Variants in FAM20A observed in about 807,000 individuals in gnomAD.
FAM20A encodes the protein pseudokinase FAM20A.
In FAM20A, 42 loss-of-function variants were observed where a neutral mutation model predicts 52.0. The observed-to-expected ratio is 0.81, with a 90% CI of 0.63 to 1.04. The LOEUF is 1.04. Among genes scored for constraint, FAM20A ranks in the 50% least tolerant of loss-of-function variants. FAM20A has a pLI of 0.00. For missense variants in FAM20A, 742 were observed against 712.7 expected (o/e 1.04, Z -0.47); for synonymous variants, 304 against 298.9 (o/e 1.02, Z -0.18).
chr17:68,589,764 CAT>C (rs1312224275), intron 1 of FAM20A, among the ~76,000 whole-genome samples: 1 of 152,112 alleles, frequency 6.6e-6, no homozygotes, highest in East Asian at 1.9e-4. Context: ...ATAAATCTAA[CAT>C]ATGGTCAAAT....
intron 1 of FAM20A, among the ~76,000 whole-genome samples, chr17:68,585,006 G>A (rs961703610): frequency 6.6e-6 from 1 of 152,202 alleles, no homozygotes; most frequent in Non-Finnish European, 1.5e-5. Flanking sequence ...TAATACCTAA[G>A]GTAGGTGTTT....
chr17:68,585,493 T>G (rs2088141276), intron 1 of FAM20A, among the ~76,000 whole-genome samples: 1 of 152,084 alleles, frequency 6.6e-6, no homozygotes, highest in Admixed American at 6.6e-5. Flanking sequence ...TTTTTTAAAT[T>G]ATACTTTAAG....
intron 7 of FAM20A, chr17:68,541,519 A>C (rs2086293396): frequency 5.3e-6 from 1 of 189,536 alleles, no homozygotes; most frequent in Non-Finnish European, 1.1e-5. Context: ...TCACTCAGTC[A>C]GCTAGTGTGG....
chr17:68,543,504 CGAA>C (rs1255566575), intron 5 of FAM20A, 122 bp downstream of exon 5: 9 of 827,706 alleles, frequency 1.1e-5, no homozygotes, highest in African/African-American at 1.7e-5. Context: ...CGATGAGGCA[CGAA>C]GAAGATAGAA....
At chr17:68,550,369 CTT>C (rs747654899) in intron 4 of FAM20A, among the ~76,000 whole-genome samples, 1 of 79,390 alleles carries the variant, frequency 1.3e-5, no homozygotes. Context: ...AATGGGGGAA[CTT>C]TTTTTTTTTT....
At chr17:68,543,772 C>A in intron 4 of FAM20A, 51 bp from the exon 5 acceptor site, 1 of 1,498,206 alleles carries the variant, frequency 6.7e-7, no homozygotes, top group Non-Finnish European at 9.3e-7. Flanking sequence ...AGCTGGGAGC[C>A]TGAGAAGAGA....
chr17:68,554,566 C>G (rs568302909), intron 3 of FAM20A, among the ~76,000 whole-genome samples: 8 of 152,206 alleles, frequency 5.3e-5, no homozygotes, highest in African/African-American at 1.9e-4. Flanking sequence ...TTTTCCTGGG[C>G]CACGCATTGC....
At chr17:68,552,836 C>T (rs1489566381) in intron 3 of FAM20A, among the ~76,000 whole-genome samples, 6 of 138,778 alleles carry the variant, frequency 4.3e-5, no homozygotes, top group South Asian at 2.4e-4. Context: ...CGCCCGCCAC[C>T]GCGCCCGGCT....
At chr17:68,553,910 A>ATATATACACACATATATGCATATATACC (rs2086956467) in intron 3 of FAM20A, among the ~76,000 whole-genome samples, 1 of 129,374 alleles carries the variant, frequency 7.7e-6, no homozygotes, top group Non-Finnish European at 1.7e-5. Context: ...GCATATATAC[A>ATATATACACACATATATGCATATATACC]TATATACACA....
chr17:68,541,641 G>A, intron 7 of FAM20A: 1 of 216,552 alleles, frequency 4.6e-6, no homozygotes. Context: ...GGATTCTCGT[G>A]TGCTCCCTGG....
rs2143429396 is a variant in FAM20A at position 68,536,015 on chromosome 17, T to TG, written c.*1461dup. On this transcript the variant is annotated 3_prime_UTR_variant, in exon 11 of 11. Transcript: ENST00000592554. ...TTGAGAGGATTGGAAACCTGTGTGT[T>TG]GCTTCTGTAGCGTTGGTGAGTGCCT... 2.2e-6 allele frequency: 1 copy of TG among 454,134 alleles called. No individual in the cohort carries two copies. The highest frequency in any genetic ancestry group is 2.0e-5 in the African/African-American group (1 of 50,140). The allele number at this position is 454,134 out of a possible 1,614,324, so 28.1% of individuals were successfully genotyped here. A position where few individuals can be genotyped will look rare whatever the true frequency, so the allele number is the denominator to read the frequency against.
At chr17:68,560,745 T>G (rs2087191227) in intron 1 of FAM20A, among the ~76,000 whole-genome samples, 1 of 152,202 alleles carries the variant, frequency 6.6e-6, no homozygotes, top group African/African-American at 2.4e-5. Flanking sequence ...TAATTGTTAC[T>G]GATATTGCCA....
rs538482317 is a variant in FAM20A, at chr17:68,541,110, A to G, written c.1110-152T>C. 2.3e-5 allele frequency: 25 copies of G among 1,098,876 alleles called. No individual in the cohort carries two copies. In the South Asian group the frequency reaches 3.3e-4, roughly 14 times the overall value. 68.1% of individuals were successfully genotyped at this position (1,098,876 alleles called of 1,614,324 possible). A position where few individuals can be genotyped will look rare whatever the true frequency, so the allele number is the denominator to read the frequency against. ...CTAAAATTCAGAAAGGCCCTGGGCA[A>G]GGACGCGTAAGGCTGCATATTCCGT... On this transcript the variant is annotated intron_variant, in intron 7 of 10. Transcript: ENST00000592554.
chr17:68,541,518 C>T (rs1169124849), intron 7 of FAM20A: 2 of 187,784 alleles, frequency 1.1e-5, no homozygotes, highest in African/African-American at 4.7e-5. Context: ...TTCACTCAGT[C>T]AGCTAGTGTG....
intron 1 of FAM20A, among the ~76,000 whole-genome samples, chr17:68,566,926 G>A (rs191800266): frequency 5.3e-5 from 8 of 152,200 alleles, no homozygotes; most frequent in Admixed American, 3.9e-4. Flanking sequence ...CTGCATCTTC[G>A]GTCACTTAGT....
chr17:68,543,504 C>T (rs984561898), intron 5 of FAM20A, 125 bp downstream of exon 5: 29 of 827,704 alleles, frequency 3.5e-5, no homozygotes, highest in Middle Eastern at 5.8e-4. Context: ...CGATGAGGCA[C>T]GAAGAAGATA....
intron 4 of FAM20A, among the ~76,000 whole-genome samples, chr17:68,548,504 T>C (rs1415978154): frequency 6.6e-6 from 1 of 151,680 alleles, no homozygotes; most frequent in Admixed American, 6.6e-5. Context: ...CACTCCAGCC[T>C]GGGCAACAGA....
chr17:68,600,542 C>T lies in FAM20A; in HGVS notation c.125G>A (p.Arg42Gln), dbSNP rs751567997. 14 of 1,559,668 alleles carry T rather than the reference C, an allele frequency of 9.0e-6. No homozygotes were observed. In the South Asian group the frequency reaches 1.1e-4, roughly 12 times the overall value. The change falls in exon 1 of 11, where the codon CGG becomes CAG. Residue 42 changes from arginine to glutamine, a missense_variant. By Grantham distance (43) the Arg-to-Gln change is conservative (BLOSUM62 1). Transcript: ENST00000592554. The surrounding 1 kb of genome is among the most constrained non-coding windows in gnomAD (Gnocchi z 6.2). ...QRQLRPRERP[R>Q]GCPCTGRASS... Reference sequence around the variant, plus strand: ...GGCGCGGCCGGTGCACGGGCACCCCCGCGGGCGCTCCCGAGGCCGCAGCTG... The same window carrying T: ...GGCGCGGCCGGTGCACGGGCACCCCTGCGGGCGCTCCCGAGGCCGCAGCTG...
At chr17:68,542,635 T>TG in intron 6 of FAM20A, 59 bp downstream of exon 6, 1 of 1,285,568 alleles carries the variant, frequency 7.8e-7, no homozygotes, top group Non-Finnish European at 1.1e-6. Flanking sequence ...AATGGAGGGG[T>TG]GGACACTCTG....
Sources: allele counts gnomAD v4.1 joint callset (sites outside exome capture counted in the v4.1 genomes callset), GRCh38; gene constraint gnomAD v4.1.1; non-coding constraint Gnocchi (gnomAD v3.1); transcripts MANE v1.5; gene names NCBI Gene and HGNC (gene_info 2026-07-23, HGNC 2026-07-21).